Variants in HK1 observed in about 807,000 individuals in gnomAD.
HK1 encodes hexokinase 1.
In HK1, 28 loss-of-function variants were observed where a neutral mutation model predicts 91.6. The ratio of observed to expected loss-of-function variants is 0.31; its 90% CI spans 0.23 to 0.42. The LOEUF (loss-of-function observed/expected upper bound fraction) is 0.42, where lower values mean the gene tolerates loss of function less well. Among genes scored for constraint, HK1 ranks in the 10% least tolerant of loss-of-function variants. The probability of loss-of-function intolerance (pLI) is 1.00; values close to 1 mark genes in which losing one functional copy is unlikely to be tolerated. For missense variants in HK1, 770 were observed against 1,219.8 expected, an observed-to-expected ratio of 0.63 and a Z score of 5.49; for synonymous variants, 430 against 468.1, an observed-to-expected ratio of 0.92 and a Z score of 1.05.
chr10:69,316,462 G>A (rs1027943976), upstream of HK1, among the ~76,000 whole-genome samples: 46 of 152,236 alleles, frequency 3.0e-4, no homozygotes, highest in African/African-American at 1.1e-3. Context: ...GTTGGGAGGT[G>A]GCAATAGGTC....
In HK1 at chr10:69,401,276, G is replaced by T. The variant is rs1840379003; in HGVS notation, c.*141G>T. On this transcript the variant is annotated 3_prime_UTR_variant, in exon 18 of 18. Coordinates refer to ENST00000359426, the MANE Select transcript of HK1 (RefSeq NM_000188.3). The stretch of plus-strand genomic sequence containing the variant: ...GGAGGAAAGCAAAATCCAACTAATG[G>T]TATATATTGTAGGGTACAGAATAGA... The T allele has an allele frequency of 2.3e-6, 2 of 858,724 alleles. No individual in the cohort carries two copies. The highest frequency in any genetic ancestry group is 2.9e-5 in the South Asian group (2 of 69,224). 53.2% of individuals were successfully genotyped at this position (858,724 alleles called of 1,614,324 possible). A position where few individuals can be genotyped will look rare whatever the true frequency, so the allele number is the denominator to read the frequency against.
intron 9 of HK1, among the ~76,000 whole-genome samples, chr10:69,382,116 A>G (rs1470676916): frequency 3.3e-5 from 5 of 152,250 alleles, no homozygotes; most frequent in Non-Finnish European, 7.3e-5. Flanking sequence ...TAGGCTGGGC[A>G]CAGTGGCCCA....
chr10:69,372,056 C>T (rs758431289), intron 7 of HK1, among the ~76,000 whole-genome samples: 4 of 152,184 alleles, frequency 2.6e-5, no homozygotes, highest in Non-Finnish European at 5.9e-5. Flanking sequence ...ATAATCATGG[C>T]ACAAGTCATG....
At chr10:69,270,706 T>A (rs958583439) in intron 1 of HK1, among the ~76,000 whole-genome samples, 3 of 152,218 alleles carry the variant, frequency 2.0e-5, no homozygotes, top group African/African-American at 4.8e-5. Flanking sequence ...AATAAGATTT[T>A]CCCCATGTTG....
rs1442396104 is a variant in HK1, at chr10:69,401,730, T to C, written c.*595T>C. The C allele has an allele frequency of 5.0e-6, 1 of 200,944 alleles. No homozygotes were observed. The highest frequency in any genetic ancestry group is 1.6e-4 in the East Asian group (1 of 6,190). 12.4% of individuals were successfully genotyped at this position (200,944 alleles called of 1,614,324 possible). A position where few individuals can be genotyped will look rare whatever the true frequency, so the allele number is the denominator to read the frequency against. On this transcript the variant is annotated 3_prime_UTR_variant, in exon 18 of 18. Transcript: ENST00000359426. ...CGCGTGTGACAGTCTTGCATTCTGT[T>C]TGTCTCGTGGGGGGAGGTGGACAGT... is the stretch of plus-strand genomic sequence containing the variant.
At chr10:69,313,781 C>T (rs1846501681), upstream of HK1, among the ~76,000 whole-genome samples, 1 of 152,160 alleles carries the variant, frequency 6.6e-6, no homozygotes, top group Non-Finnish European at 1.5e-5. Flanking sequence ...AGGCGTGAGG[C>T]ACCGGCCTGA....
intron 4 of HK1, among the ~76,000 whole-genome samples, chr10:69,297,089 C>T (rs1845601938): frequency 1.3e-5 from 2 of 152,126 alleles, no homozygotes; most frequent in Admixed American, 1.3e-4. Context: ...TTCTACTCCC[C>T]CAAAACCAAA....
intron 1 of HK1, among the ~76,000 whole-genome samples, chr10:69,325,749 C>A (rs1394882432): frequency 6.6e-6 from 1 of 151,616 alleles, no homozygotes; most frequent in Non-Finnish European, 1.5e-5. Context: ...GTTGGCCAGG[C>A]TGGTTTCAAA....
At chr10:69,290,092 C>T (rs1845229575) in intron 3 of HK1, among the ~76,000 whole-genome samples, 1 of 152,088 alleles carries the variant, frequency 6.6e-6, no homozygotes, top group South Asian at 2.1e-4. Flanking sequence ...TCCACCCCGC[C>T]CCCCACCAAC....
At chr10:69,294,141 G>C (rs574718329) in intron 3 of HK1, among the ~76,000 whole-genome samples, 20 of 152,100 alleles carry the variant, frequency 1.3e-4, no homozygotes, top group African/African-American at 4.1e-4. Flanking sequence ...GATTACAGGC[G>C]TGAGCCACCG....
At chr10:69,332,832 T>TGTAG (rs1223190083) in intron 1 of HK1, among the ~76,000 whole-genome samples, 1 of 152,120 alleles carries the variant, frequency 6.6e-6, no homozygotes, top group Non-Finnish European at 1.5e-5. Flanking sequence ...AGCTCACACC[T>TGTAG]GTAGACACCT....
rs533575803 is a variant in HK1, at chr10:69,395,134, G to A, written c.2375+29G>A. On this transcript the variant is annotated intron_variant, in intron 16 of 17. Coordinates refer to ENST00000359426, the MANE Select transcript of HK1 (RefSeq NM_000188.3). ...AGTGGGCAGTGTCTTCCCTGCCAGC[G>A]CCCACCCTTCAGAGGTCGCCTGGCT... The A allele has an allele frequency of 1.8e-5, 29 of 1,609,784 alleles. No individual in the cohort carries two copies. The South Asian group carries it at 2.0e-4, about 11-fold the overall frequency.
chr10:69,284,091 C>G (rs189337264), intron 2 of HK1, among the ~76,000 whole-genome samples: 6 of 152,270 alleles, frequency 3.9e-5, no homozygotes, highest in Non-Finnish European at 8.8e-5. Context: ...TAAAATGCCT[C>G]TCTTCCCTGA....
At position 69,376,920 on chromosome 10, in the gene HK1, G is replaced by A. The variant is rs556414022; in HGVS notation, c.876-14G>A. 51 of 1,614,118 alleles carry A rather than the reference G, an allele frequency of 3.2e-5. No homozygotes were observed. In the South Asian group the frequency reaches 5.6e-4, roughly 18 times the overall value. On this transcript the variant is annotated splice_polypyrimidine_tract_variant and intron_variant, in intron 7 of 17. Coordinates refer to ENST00000359426, the MANE Select transcript of HK1 (RefSeq NM_000188.3). ...GAGGAAGGCTGACAAGTGCCGGTGT[G>A]CCTTTCTCCACAGGTTTGAGAAGAT...
At chr10:69,386,443 A>T (rs559565526) in intron 13 of HK1, 25 bp downstream of exon 13, 3 of 1,565,686 alleles carry the variant, frequency 1.9e-6, no homozygotes, top group Admixed American at 1.7e-5. Flanking sequence ...AATGTTTTTT[A>T]AAATCTTTAC....
intron 1 of HK1, chr10:69,338,503 C>T (rs1659410539): frequency 1.6e-6 from 2 of 1,289,054 alleles, no homozygotes; most frequent in Admixed American, 4.6e-5. Flanking sequence ...GATAGATGGT[C>T]CACAGACCGA....
At chr10:69,295,176 T>C (rs118119496) in intron 3 of HK1, among the ~76,000 whole-genome samples, 1,630 of 152,194 alleles carry the variant, frequency 0.011, 14 homozygotes, top group Non-Finnish European at 0.017. Context: ...AAGCATTGCA[T>C]CTTCAGGGTG....
At chr10:69,358,201 C>A (rs1052739575) in intron 2 of HK1, among the ~76,000 whole-genome samples, 1 of 152,096 alleles carries the variant, frequency 6.6e-6, no homozygotes, top group Non-Finnish European at 1.5e-5. Flanking sequence ...CTTAGCATCA[C>A]GAGTGAAACA....
At chr10:69,278,799 G>GT (rs142826397) in intron 1 of HK1, 5,466 of 149,494 alleles carry the variant, frequency 0.037, 146 homozygotes, top group Non-Finnish European at 0.061. Context: ...AGATGAAGTT[G>GT]TTTTTTTTTT....
Sources: gnomAD v4.1 joint callset for allele counts (sites outside exome capture counted in the v4.1 genomes callset) on GRCh38, gnomAD v4.1.1 for gene constraint, MANE v1.5 for transcripts, NCBI Gene and HGNC (gene_info 2026-07-23, HGNC 2026-07-21) for gene names.